The following ZNF534 variants were observed in gnomAD, a reference collection of about 807,000 sequenced individuals.
The protein encoded by ZNF534 is KRAB domain only 3.
ZNF534 carries 19 observed loss-of-function variants against 13.6 expected under a neutral mutation model. The observed-to-expected ratio is 1.40, with a 90% CI of 0.97 to 2.05. The LOEUF (loss-of-function observed/expected upper bound fraction) is 2.05. Ranked by LOEUF, ZNF534 falls within the 30% of genes most tolerant of loss-of-function variation. The probability of loss-of-function intolerance (pLI) is 0.00; values close to 1 mark genes in which losing one functional copy is unlikely to be tolerated. For synonymous variants in ZNF534, 244 were observed against 273.8 expected (o/e 0.89, Z 1.07); for missense variants, 782 against 796.3 (o/e 0.98, Z 0.22).
downstream of ZNF534, among the ~76,000 whole-genome samples, chr19:52,444,078 G>A (rs2059185838): frequency 6.6e-6 from 1 of 151,634 alleles, no homozygotes; most frequent in Non-Finnish European, 1.5e-5. Flanking sequence ...AGAAAACCTT[G>A]TTTTGTTATA....
At chr19:52,437,434 T>G (rs2059135354) in intron 4 of ZNF534, among the ~76,000 whole-genome samples, 1 of 152,022 alleles carries the variant, frequency 6.6e-6, no homozygotes, top group South Asian at 2.1e-4. Flanking sequence ...CTGGCCAACA[T>G]AGTGAAACCC....
At chr19:52,433,282 T>G (rs1255706025) in intron 2 of ZNF534, among the ~76,000 whole-genome samples, 1 of 150,950 alleles carries the variant, frequency 6.6e-6, no homozygotes, top group Non-Finnish European at 1.5e-5. Context: ...CTGTAGACAT[T>G]GTCATCTCTG....
At chr19:52,444,221 A>G (rs1156619111), downstream of ZNF534, among the ~76,000 whole-genome samples, 1 of 151,960 alleles carries the variant, frequency 6.6e-6, no homozygotes, top group Admixed American at 6.6e-5. Flanking sequence ...CCCTTTTCCT[A>G]GGGATGTGGC....
chr19:52,451,407 C>T (rs1242256413), exon 5 of ZNF534: 3 of 740,668 alleles, frequency 4.1e-6, no homozygotes, highest in East Asian at 2.7e-5. Flanking sequence ...CTCTCAGGGC[C>T]GGGCCCGCCC....
chr19:52,440,183 A>C lies in ZNF534; in HGVS notation c.*737A>C, dbSNP rs1041464922. Among the ~76,000 whole-genome samples, 15 of 152,200 alleles carry C rather than the reference A, an allele frequency of 9.9e-5. No individual in the cohort carries two copies. The highest frequency in any genetic ancestry group is 2.2e-4 in the Non-Finnish European group (15 of 68,040). On this transcript the variant is annotated 3_prime_UTR_variant, in exon 5 of 5. Transcript: ENST00000433050. ...TATTAATCCATACTGGAAGGAAACC[A>C]TAGAAATATAAAGAATACAAGAAGG...
At chr19:52,451,503 C>T (rs1664292165) in exon 5 of ZNF534, 1 of 587,240 alleles carries the variant, frequency 1.7e-6, no homozygotes. Context: ...GCTAAGACAC[C>T]CGCCGTTTCA....
intron 3 of ZNF534, 69 bp from the exon 4 acceptor site, chr19:52,435,012 C>T (rs2059119163): frequency 6.5e-7 from 1 of 1,539,152 alleles, no homozygotes; most frequent in African/African-American, 1.4e-5. Context: ...ATGCTGTCTC[C>T]TACCTAAATA....
Position 52,438,471 on chromosome 19 carries a change from TAA to T in ZNF534, c.1012_1013del (p.Lys338ValfsTer19). The stretch of plus-strand genomic sequence containing the variant: ...AGGAATGTGGCAAGGTCTTCAGGCA[TAA>T]GTCTTCCCTAACCACTCATCAGACA... The part of the protein sequence containing the change: ...CKECGKVFRH[K>X]SSLTTHQTVH... On this transcript the variant is annotated frameshift_variant, in exon 5 of 5. Transcript: ENST00000433050. LOFTEE classifies it low-confidence loss of function (END_TRUNC). The T allele has an allele frequency of 6.3e-6, 10 of 1,595,892 alleles. No homozygotes were observed. Among genetic ancestry groups the T allele is most frequent in the Non-Finnish European group, 8.5e-6 (10 of 1,171,382 alleles).
chr19:52,435,231 G>A, intron 4 of ZNF534, 22 bp downstream of exon 4: 2 of 1,584,072 alleles, frequency 1.3e-6, no homozygotes, highest in Non-Finnish European at 8.6e-7. Flanking sequence ...GGTGGGCAGA[G>A]TGGAGGCCCC....
chr19:52,438,207 A>C lies in ZNF534; in HGVS notation c.747A>C (p.Lys249Asn). The C allele has an allele frequency of 6.2e-7, 1 of 1,613,810 alleles. No homozygotes were observed. The highest frequency in any genetic ancestry group is 1.1e-5 in the South Asian group (1 of 91,036). ...CTTACAAATATAATGAATGTGGCAA[A>C]GTCTTCAATCAGAATTCACACCTTG... ...EKPYKYNECG[K>N]VFNQNSHLAQ... The change falls in exon 5 of 5, where the codon AAA (lysine) becomes AAC (asparagine). Residue 249 changes from lysine to asparagine, a missense_variant. Around this residue, in one of 5 missense-constraint regions of ZNF534, gnomAD observed 591 missense variants for 574.0 expected, o/e 1.03. Transcript: ENST00000433050.
intron 3 of ZNF534, 70 bp from the exon 4 acceptor site, chr19:52,435,011 C>T: frequency 6.5e-7 from 1 of 1,538,294 alleles, no homozygotes. Flanking sequence ...TATGCTGTCT[C>T]CTACCTAAAT....
chr19:52,442,924 CTCTTT>C (rs780543876), downstream of ZNF534, among the ~76,000 whole-genome samples: 2 of 152,202 alleles, frequency 1.3e-5, no homozygotes, highest in African/African-American at 4.8e-5. Flanking sequence ...GTACTGCCCA[CTCTTT>C]TCTTGACAAG....
rs2059111480 is a variant in ZNF534 at position 52,434,054 on chromosome 19, G to A, written c.115G>A (p.Glu39Lys). 6.2e-7 allele frequency: 1 copy of A among 1,614,062 alleles called. No homozygotes were observed. Among genetic ancestry groups the A allele is most frequent in the African/African-American group, 1.3e-5 (1 of 74,938 alleles). ...AGCTTTATACAGGGACGTGATGTTAGAGAACTACAGGAACCTGGTCTCCCT... is the reference window on the plus strand; with the variant it reads ...AGCTTTATACAGGGACGTGATGTTAAAGAACTACAGGAACCTGGTCTCCCT... ...QKALYRDVML[E>K]NYRNLVSLGI... The change falls in exon 3 of 5, where the codon GAG becomes AAG. Residue 39 changes from glutamate to lysine, a missense_variant. Physicochemically the swap from Glu to Lys is moderately conservative, Grantham distance 56 (BLOSUM62 1). Coordinates refer to ENST00000433050, the MANE Select transcript of ZNF534 (RefSeq NM_001143938.3).
chr19:52,451,275 CT>C lies in ZNF534; in HGVS notation c.363del (p.Phe121LeufsTer139). ...GTGCTGAGGAGCCAACCGGCCCAAA[CT>C]TTGTGGGAAATGACTCCCCTCTGCC... On this transcript the variant is annotated frameshift_variant, in exon 5 of 5. Transcript: ENST00000301085. LOFTEE classifies it low-confidence loss of function (END_TRUNC). 1 of 1,018,332 alleles carries C rather than the reference CT, an allele frequency of 9.8e-7. No individual in the cohort carries two copies. The highest frequency in any genetic ancestry group is 1.5e-6 in the Non-Finnish European group (1 of 660,016). The allele number at this position is 1,018,332 out of a possible 1,614,324, so 63.1% of individuals were successfully genotyped here. A position where few individuals can be genotyped will look rare whatever the true frequency, so the allele number is the denominator to read the frequency against.
chr19:52,433,632 C>G (rs2122666600), intron 2 of ZNF534, among the ~76,000 whole-genome samples: 1 of 152,380 alleles, frequency 6.6e-6, no homozygotes, highest in East Asian at 1.9e-4. Context: ...TCCCAAAATG[C>G]TGGGATTACA....
chr19:52,431,505 C>T lies in ZNF534; in HGVS notation c.15+16C>T, dbSNP rs1568440598. On this transcript the variant is annotated intron_variant, in intron 2 of 4. Coordinates refer to ENST00000433050, the MANE Select transcript of ZNF534 (RefSeq NM_001143938.3). ...CCTTACTCAGGTAAGGTAATGTTCT[C>T]AGTGGATTGTTCTGTCTCTGTTTCT... 6.2e-7 allele frequency: 1 copy of T among 1,614,030 alleles called. No individual in the cohort carries two copies. The highest frequency in any genetic ancestry group is 1.1e-5 in the South Asian group (1 of 91,076).
intron 3 of ZNF534, 36 bp downstream of exon 3, chr19:52,434,117 T>C (rs1205417655): frequency 4.4e-6 from 7 of 1,590,310 alleles, no homozygotes; most frequent in Non-Finnish European, 6.0e-6. Context: ...CTGCATCTGC[T>C]CTGGTATATC....
At position 52,438,690 on chromosome 19, in the gene ZNF534, CA is replaced by C. The variant is rs1327898099; in HGVS notation, c.1233del (p.Lys411AsnfsTer20). The C allele has an allele frequency of 6.3e-7, 1 of 1,581,386 alleles. No individual in the cohort carries two copies. The highest frequency in any genetic ancestry group is 1.8e-5 in the Admixed American group (1 of 54,168). On this transcript the variant is annotated frameshift_variant, in exon 5 of 5. Transcript: ENST00000433050. LOFTEE classifies it low-confidence loss of function (END_TRUNC). The stretch of plus-strand genomic sequence containing the variant: ...AAATTCATACTGGGGGGAGGCGTTA[CA>C]AATGTAATGAATGTGGCAAAGCATT... ...RKIHTGGRRY[K>X]CNECGKAFRT...
chr19:52,432,434 A>C (rs889990739), intron 2 of ZNF534, among the ~76,000 whole-genome samples: 12 of 152,106 alleles, frequency 7.9e-5, no homozygotes, highest in Non-Finnish European at 1.8e-4. Flanking sequence ...CACCTGGGGC[A>C]AGCTAGCGTG....
Sources: gnomAD v4.1 joint callset for allele counts (sites outside exome capture counted in the v4.1 genomes callset) on GRCh38, gnomAD v4.1.1 for gene constraint, gnomAD v4.1.1 regional missense constraint, MANE v1.5 for transcripts, NCBI Gene and HGNC (gene_info 2026-07-23, HGNC 2026-07-21) for gene names.